Variants in GPR39 observed in about 807,000 individuals in gnomAD.
The protein encoded by GPR39 is G protein-coupled receptor 39, also known as zinc sensing receptor.
GPR39 carries 23 observed loss-of-function variants against 18.4 expected under a neutral mutation model. The observed-to-expected ratio is 1.25, with a 90% CI of 0.90 to 1.77. The LOEUF is 1.77. GPR39 is among the 40% of genes most tolerant of loss of function. The probability of loss-of-function intolerance (pLI) is 0.00; values close to 1 mark genes in which losing one functional copy is unlikely to be tolerated. For missense variants in GPR39, 647 were observed against 602.4 expected, an observed-to-expected ratio of 1.07 and a Z score of -0.78; for synonymous variants, 280 against 257.9, an observed-to-expected ratio of 1.09 and a Z score of -0.82.
chr2:132,546,839 CAAAAAA>C (rs60267293), intron 1 of GPR39, among the ~76,000 whole-genome samples: 5 of 33,974 alleles, frequency 1.5e-4, no homozygotes, highest in African/African-American at 1.8e-4. Flanking sequence ...AGCTCCACAG[CAAAAAA>C]AAAAAAAAAA....
intron 1 of GPR39, among the ~76,000 whole-genome samples, chr2:132,635,821 T>A (rs1334673533): frequency 6.6e-6 from 1 of 152,108 alleles, no homozygotes; most frequent in Admixed American, 6.5e-5. Context: ...GGACTCTGAA[T>A]AGGACGAGTG....
At chr2:132,440,583 G>A (rs1439042517) in intron 1 of GPR39, among the ~76,000 whole-genome samples, 1 of 152,152 alleles carries the variant, frequency 6.6e-6, no homozygotes, top group Non-Finnish European at 1.5e-5. Context: ...TACCAACGCG[G>A]TGCTTGGATT....
chr2:132,461,767 C>A (rs1680836536), intron 1 of GPR39, among the ~76,000 whole-genome samples: 1 of 152,178 alleles, frequency 6.6e-6, no homozygotes, highest in African/African-American at 2.4e-5. Context: ...TATATTAGTT[C>A]AATAAGTATC....
intron 1 of GPR39, among the ~76,000 whole-genome samples, chr2:132,613,054 T>C (rs1681263657): frequency 6.6e-6 from 1 of 152,244 alleles, no homozygotes; most frequent in Non-Finnish European, 1.5e-5. Context: ...TATTTTAAAA[T>C]GCTATTATGA....
At chr2:132,468,775 C>T (rs867795113) in intron 1 of GPR39, among the ~76,000 whole-genome samples, 14 of 152,110 alleles carry the variant, frequency 9.2e-5, no homozygotes, top group South Asian at 2.1e-4. Flanking sequence ...TGGTGCAGGT[C>T]GTTATGAAGG....
At chr2:132,610,062 C>T (rs1179430511) in intron 1 of GPR39, among the ~76,000 whole-genome samples, 1 of 152,068 alleles carries the variant, frequency 6.6e-6, no homozygotes, top group Non-Finnish European at 1.5e-5. Context: ...TTGCAAGACT[C>T]GGTCAGTGAT....
intron 1 of GPR39, among the ~76,000 whole-genome samples, chr2:132,610,594 C>T (rs545540866): frequency 7.9e-5 from 12 of 151,696 alleles, no homozygotes; most frequent in African/African-American, 2.2e-4. Flanking sequence ...GTGGCCAACG[C>T]GGTGAAACCC....
intron 1 of GPR39, among the ~76,000 whole-genome samples, chr2:132,540,150 C>T (rs1354563025): frequency 6.6e-6 from 1 of 152,198 alleles, no homozygotes; most frequent in Non-Finnish European, 1.5e-5. Context: ...ACTTCTTGTA[C>T]TCATCTACAG....
chr2:132,578,661 A>G (rs993433269), intron 1 of GPR39, among the ~76,000 whole-genome samples: 2 of 152,164 alleles, frequency 1.3e-5, no homozygotes, highest in African/African-American at 4.8e-5. Context: ...GTTTCTAAAT[A>G]GACTTAACCA....
At chr2:132,507,560 C>T (rs1279826465) in intron 1 of GPR39, among the ~76,000 whole-genome samples, 1 of 152,176 alleles carries the variant, frequency 6.6e-6, no homozygotes, top group Admixed American at 6.5e-5. Context: ...GTTTGAACCT[C>T]AGGAGTCTAC....
chr2:132,493,262 A>G (rs1681546696), intron 1 of GPR39, among the ~76,000 whole-genome samples: 1 of 145,336 alleles, frequency 6.9e-6, no homozygotes, highest in African/African-American at 2.6e-5. Flanking sequence ...CACCATATAT[A>G]TACCATATAT....
intron 1 of GPR39, among the ~76,000 whole-genome samples, chr2:132,617,961 G>A (rs1156995555): frequency 1.3e-5 from 2 of 152,166 alleles, no homozygotes; most frequent in Non-Finnish European, 2.9e-5. Flanking sequence ...AGTGGGCTGT[G>A]GCCTGTTGCT....
At chr2:132,609,082 G>C (rs894470230) in intron 1 of GPR39, among the ~76,000 whole-genome samples, 2 of 152,198 alleles carry the variant, frequency 1.3e-5, no homozygotes, top group Non-Finnish European at 2.9e-5. Flanking sequence ...AAGGTGCCCG[G>C]GATGTTTTAT....
chr2:132,515,828 G>T (rs1275886896), intron 1 of GPR39, among the ~76,000 whole-genome samples: 5 of 152,084 alleles, frequency 3.3e-5, no homozygotes, highest in African/African-American at 1.2e-4. Context: ...GGCTTGCTAA[G>T]TTCCTCCCTG....
chr2:132,485,094 A>G (rs539421751), intron 1 of GPR39, among the ~76,000 whole-genome samples: 2 of 152,382 alleles, frequency 1.3e-5, no homozygotes, highest in African/African-American at 4.8e-5. Flanking sequence ...GTTCAATTCC[A>G]GACCCCTGCA....
At chr2:132,550,476 C>T (rs1680023577) in intron 1 of GPR39, among the ~76,000 whole-genome samples, 1 of 152,176 alleles carries the variant, frequency 6.6e-6, no homozygotes, top group South Asian at 2.1e-4. Context: ...TGTTCCAATG[C>T]ACTTTGAAAA....
chr2:132,557,889 C>T (rs1215938321), intron 1 of GPR39, among the ~76,000 whole-genome samples: 1 of 150,646 alleles, frequency 6.6e-6, no homozygotes, highest in Non-Finnish European at 1.5e-5. Flanking sequence ...AGGGTTCACT[C>T]GGCAAGTCTG....
intron 1 of GPR39, among the ~76,000 whole-genome samples, chr2:132,624,419 A>G (rs6755486): frequency 0.18 from 27,171 of 152,248 alleles, 2,552 homozygotes; most frequent in Middle Eastern, 0.24. Flanking sequence ...AGTGACCATG[A>G]CATTTATTAT....
intron 1 of GPR39, among the ~76,000 whole-genome samples, chr2:132,563,647 A>G (rs1050027396): frequency 6.6e-6 from 1 of 152,208 alleles, no homozygotes; most frequent in African/African-American, 2.4e-5. Flanking sequence ...AGAGCTTCTC[A>G]ACCCTGGCTG....
Sources: gnomAD v4.1 joint callset for allele counts (sites outside exome capture counted in the v4.1 genomes callset) on GRCh38, gnomAD v4.1.1 for gene constraint, MANE v1.5 for transcripts, NCBI Gene and HGNC (gene_info 2026-07-23, HGNC 2026-07-21) for gene names.